Variants in SLC12A3 observed in about 807,000 individuals in gnomAD.
The protein encoded by SLC12A3 is Na-Cl cotransporter.
SLC12A3 carries 104 observed loss-of-function variants against 121.0 expected under a neutral mutation model. The observed-to-expected ratio is 0.86, with a 90% CI of 0.73 to 1.01. The LOEUF (loss-of-function observed/expected upper bound fraction) is 1.01, where lower values mean the gene tolerates loss of function less well. Ranked by LOEUF, SLC12A3 falls within the 50% of genes least tolerant of loss-of-function variation. The pLI, the probability that SLC12A3 is intolerant of heterozygous loss-of-function variation, is 0.00. For missense variants in SLC12A3, 1,328 were observed against 1,356.3 expected, an observed-to-expected ratio of 0.98 and a Z score of 0.33; for synonymous variants, 536 against 533.4, an observed-to-expected ratio of 1.00 and a Z score of -0.07.
chr16:56,871,042 T>C (rs2055089787), intron 6 of SLC12A3, among the ~76,000 whole-genome samples: 1 of 151,792 alleles, frequency 6.6e-6, no homozygotes, highest in Non-Finnish European at 1.5e-5. Flanking sequence ...ACCATGTTGG[T>C]CAGGCTGGTC....
chr16:56,893,162 G>T, intron 21 of SLC12A3, 108 bp downstream of exon 21: 1 of 913,948 alleles, frequency 1.1e-6, no homozygotes, highest in Non-Finnish European at 1.8e-6. Flanking sequence ...GGGGCTCCTG[G>T]GCCCAGCAGT....
chr16:56,865,321 AT>A lies in SLC12A3; in HGVS notation c.87del (p.Asp29GlufsTer17), dbSNP rs1964325492. On this transcript the variant is annotated frameshift_variant, in exon 1 of 26. Coordinates refer to ENST00000563236, the MANE Select transcript of SLC12A3 (RefSeq NM_001126108.2). LOFTEE classifies it high-confidence loss of function. ...RFTISTLLSS[D>X]EPSPPAAYDS... Reference sequence around the variant, plus strand: ...ACCATCAGCACACTGCTGAGCAGTGATGAGCCCTCTCCACCAGCTGCCTATG... The same window carrying A: ...ACCATCAGCACACTGCTGAGCAGTGAGAGCCCTCTCCACCAGCTGCCTATG... 6.2e-7 allele frequency: 1 copy of A among 1,613,922 alleles called. No individual in the cohort carries two copies. Among genetic ancestry groups the A allele is most frequent in the African/African-American group, 1.3e-5 (1 of 74,946 alleles).
intron 7 of SLC12A3, 46 bp downstream of exon 7, chr16:56,872,508 T>C: frequency 6.3e-7 from 1 of 1,588,218 alleles, no homozygotes; most frequent in Non-Finnish European, 8.6e-7. Flanking sequence ...GGACAGGGAC[T>C]CTCTACCCAG....
chr16:56,882,311 C>G, intron 12 of SLC12A3, 85 bp from the exon 13 acceptor site: 1 of 1,103,090 alleles, frequency 9.1e-7, no homozygotes, highest in South Asian at 1.2e-5. Context: ...TGTCTGGGGT[C>G]CCCCACCCTG....
chr16:56,886,318 T>A, intron 15 of SLC12A3, 46 bp from the exon 16 acceptor site: 1 of 1,438,672 alleles, frequency 7.0e-7, no homozygotes, highest in Non-Finnish European at 9.8e-7. Context: ...CAGACCCCCG[T>A]GGGCTCTCTC....
At chr16:56,910,975 G>A (rs1382962225) in intron 25 of SLC12A3, among the ~76,000 whole-genome samples, 1 of 152,186 alleles carries the variant, frequency 6.6e-6, no homozygotes, top group Non-Finnish European at 1.5e-5. Context: ...TTTCAAGACA[G>A]CTGTCTCTCG....
chr16:56,893,168 G>T, intron 21 of SLC12A3, 114 bp downstream of exon 21: 1 of 858,006 alleles, frequency 1.2e-6, no homozygotes. Context: ...CCTGGGCCCA[G>T]CAGTGAGCTC....
At chr16:56,900,483 G>A (rs1596946537) in intron 23 of SLC12A3, among the ~76,000 whole-genome samples, 3 of 151,974 alleles carry the variant, frequency 2.0e-5, no homozygotes, top group East Asian at 3.9e-4. Flanking sequence ...AGAAGAGACA[G>A]CAGGAGCAAC....
rs763517026 is a variant in SLC12A3 at position 56,886,479 on chromosome 16, A to G, written c.2037+4A>G. On this transcript the variant is annotated splice_donor_region_variant and intron_variant, in intron 16 of 25. Coordinates refer to ENST00000563236, the MANE Select transcript of SLC12A3 (RefSeq NM_001126108.2). The stretch of plus-strand genomic sequence containing the variant: ...GATCTGTGGCCACGTGCTCATCGTG[A>G]GTGGCCCCTGGAGGGGCACAGGGGA... 3.1e-6 allele frequency: 5 copies of G among 1,611,260 alleles called. No homozygotes were observed. The highest frequency in any genetic ancestry group is 4.2e-6 in the Non-Finnish European group (5 of 1,177,828).
rs749742102 is a variant in SLC12A3 at position 56,867,190 on chromosome 16, C to T, written c.403C>T (p.Arg135Cys). 2.9e-5 allele frequency: 47 copies of T among 1,612,586 alleles called. No individual in the cohort carries two copies. The highest frequency in any genetic ancestry group is 9.9e-5 in the South Asian group (9 of 90,826). Residue 135 changes from arginine (R) to cysteine (C), a missense_variant, in exon 2 of 26, where the codon CGC becomes TGC. Physicochemically the swap from Arg to Cys is radical, Grantham distance 180. Transcript: ENST00000563236. ...CGAGAAGAACCCCGAGGAGCCAGTG[C>T]GCTTCGGCTGGGTCAAGGGGGTGAT... The part of the protein sequence containing the change: ...SSEKNPEEPV[R>C]FGWVKGVMIR...
chr16:56,866,278 G>A (rs117292896), intron 1 of SLC12A3, among the ~76,000 whole-genome samples: 2,486 of 152,086 alleles, frequency 0.016, 34 homozygotes, highest in Non-Finnish European at 0.025. Flanking sequence ...GAGCCACCAC[G>A]CCCAGCCCAG....
At chr16:56,892,219 GC>G in intron 20 of SLC12A3, 86 bp downstream of exon 20, 1 of 1,276,532 alleles carries the variant, frequency 7.8e-7, no homozygotes, top group Middle Eastern at 1.9e-4. Context: ...CTAGGGGTGG[GC>G]CACTTGGGAA....
chr16:56,875,555 A>T (rs1367693826), intron 8 of SLC12A3, among the ~76,000 whole-genome samples: 1 of 152,104 alleles, frequency 6.6e-6, no homozygotes, highest in Non-Finnish European at 1.5e-5. Context: ...GGCCTCAACT[A>T]CATCACAATT....
intron 8 of SLC12A3, among the ~76,000 whole-genome samples, chr16:56,876,831 T>C (rs1596902446): frequency 6.6e-6 from 1 of 152,044 alleles, no homozygotes; most frequent in African/African-American, 2.4e-5. Flanking sequence ...CAGGTTGGGG[T>C]CTGTGTCTGG....
At chr16:56,886,081 T>TC (rs1422141247) in intron 15 of SLC12A3, among the ~76,000 whole-genome samples, 1 of 152,088 alleles carries the variant, frequency 6.6e-6, no homozygotes, top group Admixed American at 6.5e-5. Context: ...CTTTGTTCTT[T>TC]CCCCCACCAT....
chr16:56,911,575 T>TG (rs2055686150), intron 25 of SLC12A3, among the ~76,000 whole-genome samples: 1 of 152,186 alleles, frequency 6.6e-6, no homozygotes, highest in African/African-American at 2.4e-5. Context: ...TCTGCCCACC[T>TG]CGGCCTCCCA....
At chr16:56,898,199 G>A (rs574772736) in intron 22 of SLC12A3, among the ~76,000 whole-genome samples, 1 of 152,308 alleles carries the variant, frequency 6.6e-6, no homozygotes, top group African/African-American at 2.4e-5. Context: ...TCAATGATGG[G>A]CAAGGGGTTG....
chr16:56,908,863 C>T (rs1435718084), intron 25 of SLC12A3, among the ~76,000 whole-genome samples: 4 of 152,194 alleles, frequency 2.6e-5, no homozygotes, highest in East Asian at 1.9e-4. Context: ...TGTCCTGGGA[C>T]GCCTCCCCAG....
chr16:56,912,112 G>T (rs2055694114), intron 25 of SLC12A3, among the ~76,000 whole-genome samples: 1 of 152,266 alleles, frequency 6.6e-6, no homozygotes, highest in Non-Finnish European at 1.5e-5. Flanking sequence ...GCGCGGTGCT[G>T]CGGGCCCTGC....
Sources: gnomAD v4.1 joint callset for allele counts (sites outside exome capture counted in the v4.1 genomes callset) on GRCh38, gnomAD v4.1.1 for gene constraint, MANE v1.5 for transcripts, NCBI Gene and HGNC (gene_info 2026-07-23, HGNC 2026-07-21) for gene names.